PRKN: variants seen among roughly 807,000 people sequenced by gnomAD.
The protein encoded by PRKN is parkin RBR E3 ubiquitin protein ligase.
Under a neutral mutation model 59.5 loss-of-function variants are expected in PRKN, and 56 were observed. The ratio of observed to expected loss-of-function variants is 0.94; its 90% CI spans 0.76 to 1.18. The LOEUF (loss-of-function observed/expected upper bound fraction) is 1.18, where lower values mean the gene tolerates loss of function less well. Ranked by LOEUF, PRKN falls within the 50% of genes most tolerant of loss-of-function variation. PRKN has a pLI of 0.00. For missense variants in PRKN, 657 were observed against 596.4 expected (o/e 1.10, Z -1.06); for synonymous variants, 250 against 222.1 (o/e 1.13, Z -1.12).
rs1777845882 is a variant in PRKN, at chr6:162,056,005, AC to A, written c.535-1832del. Among the ~76,000 whole-genome samples the A allele has an allele frequency of 2.6e-5, 1 of 38,232 alleles. No individual in the cohort carries two copies. Among genetic ancestry groups the A allele is most frequent in the African/African-American group, 4.6e-5 (1 of 21,830 alleles). 25.1% of individuals were successfully genotyped at this position (38,232 alleles called of 152,430 possible). A position where few individuals can be genotyped will look rare whatever the true frequency, so the allele number is the denominator to read the frequency against. ...CACACACACTCAGGCATGCACGCAC[AC>A]AGGCATGCACGCACACAGCATGCCA... On this transcript the variant is annotated intron_variant, in intron 4 of 11. Transcript: ENST00000366898. This position sits in a 1 kb window ranked among gnomAD's most constrained non-coding sequence, Gnocchi z 4.9.
intron 3 of PRKN, among the ~76,000 whole-genome samples, chr6:162,235,967 A>AAGAAAGAAAG (rs1778666183): frequency 5.9e-5 from 6 of 101,592 alleles, no homozygotes; most frequent in African/African-American, 2.4e-4. Flanking sequence ...GGAAGAAAGA[A>AAGAAAGAAAG]AGAAAGAAAG....
At chr6:161,553,809 C>T (rs1329243454) in intron 8 of PRKN, among the ~76,000 whole-genome samples, 3 of 152,136 alleles carry the variant, frequency 2.0e-5, no homozygotes, top group African/African-American at 7.2e-5. Context: ...GCACAACTAT[C>T]TCATCTCTGG....
chr6:162,404,249 A>G (rs1279620437), intron 2 of PRKN, among the ~76,000 whole-genome samples: 2 of 151,868 alleles, frequency 1.3e-5, no homozygotes, highest in Admixed American at 1.3e-4. Flanking sequence ...ATGTGCCTGT[A>G]ATCCCAGCTA....
At chr6:162,186,503 T>G (rs1380190478) in intron 4 of PRKN, among the ~76,000 whole-genome samples, 1 of 152,088 alleles carries the variant, frequency 6.6e-6, no homozygotes, top group East Asian at 1.9e-4. Context: ...AGAAAAGGGC[T>G]TCTATGGAAA....
At chr6:161,897,742 G>A (rs1777688522) in intron 6 of PRKN, among the ~76,000 whole-genome samples, 1 of 151,112 alleles carries the variant, frequency 6.6e-6, no homozygotes, top group Non-Finnish European at 1.5e-5. Context: ...AGCACTTTGG[G>A]AGGCTGAGGC....
chr6:162,551,708 G>A (rs901861032), intron 1 of PRKN, among the ~76,000 whole-genome samples: 8 of 151,684 alleles, frequency 5.3e-5, no homozygotes, highest in Non-Finnish European at 1.0e-4. Context: ...CAGAAGCTCC[G>A]GCCTCATCGT....
At chr6:161,350,948 ATATATT>A (rs1784518774) in intron 11 of PRKN, among the ~76,000 whole-genome samples, 1 of 76,192 alleles carries the variant, frequency 1.3e-5, no homozygotes, top group Admixed American at 2.5e-4. Flanking sequence ...AATATATTTT[ATATATT>A]TATATTTAAA....
At chr6:161,843,824 C>T (rs994874535) in intron 6 of PRKN, among the ~76,000 whole-genome samples, 1 of 152,134 alleles carries the variant, frequency 6.6e-6, no homozygotes, top group Non-Finnish European at 1.5e-5. Context: ...TGCATTCATT[C>T]ATTCCATAGT....
At chr6:161,956,920 A>G (rs1262255819) in intron 6 of PRKN, among the ~76,000 whole-genome samples, 2 of 152,180 alleles carry the variant, frequency 1.3e-5, no homozygotes, top group Admixed American at 6.6e-5. Flanking sequence ...GAAAATTTCA[A>G]CTTAGTGTTG....
rs577670148 is a variant in PRKN at position 162,382,563 on chromosome 6, C to T, written c.171+60747G>A. On this transcript the variant is annotated intron_variant, in intron 2 of 11. Coordinates refer to ENST00000366898, the MANE Select transcript of PRKN (RefSeq NM_004562.3). ...TTGCTAAAAAATGCTAACAATTACC[C>T]GAGCCTTCAACAACTGTAATCTTTT... Among the ~76,000 whole-genome samples the T allele has an allele frequency of 2.0e-5, 3 of 152,230 alleles. No homozygotes were observed. In the South Asian group the frequency reaches 6.2e-4, roughly 32 times the overall value.
intron 7 of PRKN, 45 bp downstream of exon 7, chr6:161,785,727 T>C: frequency 1.9e-6 from 3 of 1,597,244 alleles, no homozygotes; most frequent in South Asian, 2.2e-5. Flanking sequence ...TGTTCTTCTG[T>C]TCTTCATTAG....
intron 6 of PRKN, among the ~76,000 whole-genome samples, chr6:161,849,724 A>G (rs571090400): frequency 1.3e-5 from 2 of 152,342 alleles, no homozygotes; most frequent in South Asian, 4.1e-4. Context: ...ATTCAATTCG[A>G]ATTTTGGGTT....
At chr6:161,960,168 T>C (rs1277681309) in intron 6 of PRKN, among the ~76,000 whole-genome samples, 1 of 152,188 alleles carries the variant, frequency 6.6e-6, no homozygotes, top group Non-Finnish European at 1.5e-5. Flanking sequence ...AAAAACATGG[T>C]TCCAAGTGCT....
chr6:162,002,739 G>A (rs1301270483), intron 5 of PRKN, among the ~76,000 whole-genome samples: 1 of 151,460 alleles, frequency 6.6e-6, no homozygotes, highest in Non-Finnish European at 1.5e-5. Flanking sequence ...TTTATTTTAG[G>A]TCTTTTTCTC....
intron 6 of PRKN, among the ~76,000 whole-genome samples, chr6:161,962,456 A>C (rs1197220625): frequency 6.6e-6 from 1 of 152,180 alleles, no homozygotes; most frequent in Non-Finnish European, 1.5e-5. Context: ...TATTTCTTTC[A>C]GATGAAAATG....
Position 161,525,726 on chromosome 6 carries a change from C to T in PRKN, c.1083+23128G>A, listed in dbSNP as rs2115370116. Reference sequence around the variant, plus strand: ...TACTATTTTAAAAAATTATTCTATTCAGCGCATTGCATCAGAAATGCTTCT... The same window carrying T: ...TACTATTTTAAAAAATTATTCTATTTAGCGCATTGCATCAGAAATGCTTCT... On this transcript the variant is annotated intron_variant, in intron 9 of 11. Transcript: ENST00000366898. This position sits in a 1 kb window ranked among gnomAD's most constrained non-coding sequence, Gnocchi z 4.7. Among the ~76,000 whole-genome samples, 1 of 152,242 alleles carries T rather than the reference C, an allele frequency of 6.6e-6. No homozygotes were observed. Among genetic ancestry groups the T allele is most frequent in the African/African-American group, 2.4e-5 (1 of 41,560 alleles).
chr6:162,567,241 T>C (rs754069321), intron 1 of PRKN, among the ~76,000 whole-genome samples: 1 of 152,152 alleles, frequency 6.6e-6, no homozygotes, highest in East Asian at 1.9e-4. Context: ...ACCACTGTTA[T>C]TCAACATAGT....
At chr6:162,304,548 T>C (rs9456760) in intron 2 of PRKN, among the ~76,000 whole-genome samples, 24,727 of 126,632 alleles carry the variant, frequency 0.2, 4,081 homozygotes, top group East Asian at 0.54. Context: ...TCTATCTATT[T>C]ATCCATCTGT....
At chr6:162,480,369 A>G (rs931876441) in intron 1 of PRKN, among the ~76,000 whole-genome samples, 1 of 152,176 alleles carries the variant, frequency 6.6e-6, no homozygotes, top group African/African-American at 2.4e-5. Context: ...ACATGGCTGT[A>G]TACATTTTTT....
Sources: allele counts gnomAD v4.1 joint callset (sites outside exome capture counted in the v4.1 genomes callset), GRCh38; gene constraint gnomAD v4.1.1; non-coding constraint Gnocchi (gnomAD v3.1); transcripts MANE v1.5; gene names NCBI Gene and HGNC (gene_info 2026-07-23, HGNC 2026-07-21).